Variants in GRM8 observed in about 807,000 individuals in gnomAD.
The protein encoded by GRM8 is glutamate metabotropic receptor 8.
In GRM8, 47 loss-of-function variants were observed where a neutral mutation model predicts 87.2. The observed-to-expected ratio is 0.54, with a 90% CI of 0.43 to 0.69. The LOEUF is 0.69. Ranked by LOEUF, GRM8 falls within the 30% of genes least tolerant of loss-of-function variation. The probability of loss-of-function intolerance (pLI) is 0.00; values close to 1 mark genes in which losing one functional copy is unlikely to be tolerated. For missense variants in GRM8, 1,019 were observed against 1,139.2 expected (o/e 0.89, Z 1.52); for synonymous variants, 396 against 404.5 (o/e 0.98, Z 0.25).
intron 6 of GRM8, among the ~76,000 whole-genome samples, chr7:126,877,784 G>A (rs1224632747): frequency 2.0e-5 from 3 of 152,096 alleles, no homozygotes; most frequent in Non-Finnish European, 2.9e-5. Context: ...ATGTTGTTTT[G>A]TTCTGTCATT....
intron 6 of GRM8, among the ~76,000 whole-genome samples, chr7:126,837,257 T>C (rs1264727568): frequency 6.6e-6 from 1 of 152,190 alleles, no homozygotes; most frequent in Non-Finnish European, 1.5e-5. Flanking sequence ...TGATGCCACA[T>C]CAGGTATATC....
At chr7:126,603,882 C>T (rs1186003105) in intron 8 of GRM8, among the ~76,000 whole-genome samples, 1 of 152,086 alleles carries the variant, frequency 6.6e-6, no homozygotes, top group Non-Finnish European at 1.5e-5. Flanking sequence ...AGTCTTCTCT[C>T]AAACCCTGTT....
intron 7 of GRM8, among the ~76,000 whole-genome samples, chr7:126,735,179 T>C (rs1814064018): frequency 1.3e-5 from 2 of 152,080 alleles, no homozygotes; most frequent in South Asian, 4.2e-4. Flanking sequence ...ATTACAGAAA[T>C]ACAATTGTAA....
chr7:126,548,206 C>T (rs1032540775), intron 8 of GRM8, among the ~76,000 whole-genome samples: 1 of 152,032 alleles, frequency 6.6e-6, no homozygotes, highest in Middle Eastern at 3.4e-3. Context: ...AGGAGAAATG[C>T]CTAATGTAGA....
intron 3 of GRM8, among the ~76,000 whole-genome samples, chr7:127,096,557 C>G: frequency 7.1e-6 from 1 of 141,180 alleles, no homozygotes; most frequent in South Asian, 2.2e-4. Context: ...GAGACTGGGT[C>G]TAAAAAAAAA....
chr7:127,246,282 G>A (rs1798579714), intron 1 of GRM8, among the ~76,000 whole-genome samples: 1 of 152,212 alleles, frequency 6.6e-6, no homozygotes, highest in African/African-American at 2.4e-5. Flanking sequence ...TCATCCTAGT[G>A]GAGTCTGTGA....
At chr7:127,041,659 A>G (rs1273293659) in intron 3 of GRM8, among the ~76,000 whole-genome samples, 3 of 152,248 alleles carry the variant, frequency 2.0e-5, no homozygotes, top group Non-Finnish European at 4.4e-5. Flanking sequence ...TATTCCAGTG[A>G]ACAGTTTGGA....
At chr7:126,961,523 A>C (rs1204578) in intron 3 of GRM8, among the ~76,000 whole-genome samples, 4,096 of 152,258 alleles carry the variant, frequency 0.027, 83 homozygotes, top group Non-Finnish European at 0.046. Context: ...GTGTGCGTTC[A>C]TTCTAGTCCT....
At chr7:126,678,635 T>A (rs1486739211) in intron 7 of GRM8, among the ~76,000 whole-genome samples, 2 of 152,196 alleles carry the variant, frequency 1.3e-5, no homozygotes, top group Admixed American at 6.5e-5. Context: ...TCAAAAAAAA[T>A]TATTTTGTAA....
rs67131936 is a variant in GRM8 at position 126,788,409 on chromosome 7, C to CAAAAAAAAAAAA, written c.1157-18356_1157-18345dup. Reference sequence around the variant, plus strand: ...TGGGTATCAGAGCAAGACTCCATCTCAAAAAAAAAAAAAACCCTTTCAGAT... The same window carrying CAAAAAAAAAAAA: ...TGGGTATCAGAGCAAGACTCCATCTCAAAAAAAAAAAAAAAAAAAAAAAAAACCCTTTCAGAT... On this transcript the variant is annotated intron_variant, in intron 6 of 10. Transcript: ENST00000339582. Among the ~76,000 whole-genome samples the CAAAAAAAAAAAA allele has an allele frequency of 3.6e-3, 39 of 10,758 alleles. 2 individuals are homozygous for CAAAAAAAAAAAA. Among genetic ancestry groups the CAAAAAAAAAAAA allele is most frequent in the South Asian group, 0.028 (6 of 216 alleles). 7.1% of individuals were successfully genotyped at this position (10,758 alleles called of 152,430 possible).
At chr7:126,506,279 A>T (rs923377951) in intron 9 of GRM8, among the ~76,000 whole-genome samples, 1 of 151,974 alleles carries the variant, frequency 6.6e-6, no homozygotes, top group African/African-American at 2.4e-5. Context: ...ACACATATAT[A>T]TGTCACATTT....
intron 9 of GRM8, among the ~76,000 whole-genome samples, chr7:126,500,973 C>T (rs1365129800): frequency 2.0e-5 from 3 of 151,892 alleles, no homozygotes; most frequent in East Asian, 3.9e-4. Flanking sequence ...TTTTCTGACC[C>T]TTTATAAACT....
At chr7:126,734,020 T>G (rs900339621) in intron 7 of GRM8, among the ~76,000 whole-genome samples, 14 of 152,056 alleles carry the variant, frequency 9.2e-5, no homozygotes, top group African/African-American at 3.4e-4. Context: ...AACTTCTTAA[T>G]ATACCTACAA....
intron 3 of GRM8, among the ~76,000 whole-genome samples, chr7:127,055,454 A>G (rs11563761): frequency 0.08 from 12,130 of 152,180 alleles, 526 homozygotes; most frequent in South Asian, 0.13. Flanking sequence ...CTGAACAACC[A>G]ATTAGTAGAA....
chr7:126,451,613 A>G (rs957314721), intron 9 of GRM8, among the ~76,000 whole-genome samples: 2 of 151,702 alleles, frequency 1.3e-5, no homozygotes, highest in Non-Finnish European at 2.9e-5. Context: ...CTACTCTCCA[A>G]TGACTTCCCA....
At chr7:126,754,579 A>C (rs1396181247) in intron 7 of GRM8, among the ~76,000 whole-genome samples, 1 of 151,928 alleles carries the variant, frequency 6.6e-6, no homozygotes, top group Non-Finnish European at 1.5e-5. Flanking sequence ...TATCTCTATG[A>C]AGTTAGAAAA....
intron 3 of GRM8, among the ~76,000 whole-genome samples, chr7:127,076,801 G>A (rs151157664): frequency 3.5e-4 from 53 of 152,330 alleles, no homozygotes; most frequent in Admixed American, 5.9e-4. Context: ...GCCCTTCTAA[G>A]TAAGGACTGC....
intron 3 of GRM8, among the ~76,000 whole-genome samples, chr7:126,978,274 GC>G (rs1477815395): frequency 2.0e-5 from 3 of 151,992 alleles, no homozygotes; most frequent in Non-Finnish European, 4.4e-5. Context: ...GGAAGCAAAA[GC>G]CCCACTTATC....
intron 3 of GRM8, among the ~76,000 whole-genome samples, chr7:127,007,520 C>T (rs1814438083): frequency 6.6e-6 from 1 of 152,008 alleles, no homozygotes; most frequent in South Asian, 2.1e-4. Flanking sequence ...TAACTTTTGA[C>T]TTCTAGCAAT....
Sources: gnomAD v4.1 joint callset for allele counts (sites outside exome capture counted in the v4.1 genomes callset) on GRCh38, gnomAD v4.1.1 for gene constraint, MANE v1.5 for transcripts, NCBI Gene and HGNC (gene_info 2026-07-23, HGNC 2026-07-21) for gene names.